SPAST: variants seen among roughly 807,000 people sequenced by gnomAD.
The protein encoded by SPAST is spastin, also known as spastic paraplegia 4 (autosomal dominant; spastin).
A neutral mutation model predicts 76.6 loss-of-function variants in SPAST; 30 were observed. The ratio of observed to expected loss-of-function variants is 0.39; its 90% CI spans 0.29 to 0.53. The LOEUF is 0.53. Ranked by LOEUF, SPAST falls within the 20% of genes least tolerant of loss-of-function variation. The probability of loss-of-function intolerance (pLI) is 0.68; values close to 1 mark genes in which losing one functional copy is unlikely to be tolerated. For missense variants in SPAST, 717 were observed against 770.5 expected, an observed-to-expected ratio of 0.93 and a Z score of 0.82; for synonymous variants, 305 against 281.0, an observed-to-expected ratio of 1.09 and a Z score of -0.86.
chr2:32,118,056 T>A (rs1200443647), intron 7 of SPAST, among the ~76,000 whole-genome samples: 1 of 152,182 alleles, frequency 6.6e-6, no homozygotes, highest in Non-Finnish European at 1.5e-5. Context: ...GTTCCAATAA[T>A]ATTGCAAAAA....
At position 32,063,885 on chromosome 2, in the gene SPAST, C is replaced by CCCGGTGCCTCCCAGGCCT. The variant is rs1251817457; in HGVS notation, c.58_75dup (p.Val20_Pro25dup). ...AGAAAGGCTCCGGCGGCGCCAGCAA[C>CCCGGTGCCTCCCAGGCCT]CCGGTGCCTCCCAGGCCTCCGCCCC... On this transcript the variant is annotated inframe_insertion, in exon 1 of 17. Transcript: ENST00000315285. The CCCGGTGCCTCCCAGGCCT allele has an allele frequency of 2.5e-6, 4 of 1,582,702 alleles. No homozygotes were observed. The East Asian group carries it at 6.9e-5, about 27-fold the overall frequency.
intron 9 of SPAST, among the ~76,000 whole-genome samples, chr2:32,135,356 C>T (rs1207432819): frequency 2.0e-5 from 3 of 151,678 alleles, no homozygotes; most frequent in Non-Finnish European, 4.4e-5. Flanking sequence ...GTCTCGATCT[C>T]CTGACCTCGT....
rs1679842413 is a variant in SPAST, at chr2:32,145,022, G to A, written c.1687+15G>A. ...TCCTATCCGAGGTAGGTATACAAGA[G>A]CTTAAAACATTTAGAACTATTTATT... is the stretch of plus-strand genomic sequence containing the variant. On this transcript the variant is annotated intron_variant, in intron 15 of 16. Coordinates refer to ENST00000315285, the MANE Select transcript of SPAST (RefSeq NM_014946.4). The A allele has an allele frequency of 1.3e-6, 2 of 1,590,272 alleles. No homozygotes were observed. Among genetic ancestry groups the A allele is most frequent in the Non-Finnish European group, 1.7e-6 (2 of 1,159,792 alleles).
intron 3 of SPAST, among the ~76,000 whole-genome samples, chr2:32,094,785 C>T (rs1400814556): frequency 1.3e-5 from 2 of 152,212 alleles, no homozygotes; most frequent in Non-Finnish European, 2.9e-5. Flanking sequence ...GCCTGGCCAA[C>T]ATGGCGAAAC....
chr2:32,121,745 T>C (rs183967798), intron 7 of SPAST, among the ~76,000 whole-genome samples: 160 of 151,640 alleles, frequency 1.1e-3, no homozygotes, highest in African/African-American at 3.7e-3. Context: ...AGTTTCACCA[T>C]GTTGGCCAGG....
rs1237891708 is a variant in SPAST at position 32,090,713 on chromosome 2, A to G, written c.586+1108A>G. Among the ~76,000 whole-genome samples the G allele has an allele frequency of 2.0e-5, 3 of 152,184 alleles. No individual in the cohort carries two copies. In the East Asian group the frequency reaches 5.8e-4, roughly 29 times the overall value. On this transcript the variant is annotated intron_variant, in intron 3 of 16. Coordinates refer to ENST00000315285, the MANE Select transcript of SPAST (RefSeq NM_014946.4). ...TTCCAATTTATTTGTTGATGAAACC[A>G]GGTCTTTGTCATGTAATATTTCCTA... is the stretch of plus-strand genomic sequence containing the variant.
At chr2:32,068,648 A>C (rs964194479) in intron 1 of SPAST, among the ~76,000 whole-genome samples, 4 of 152,136 alleles carry the variant, frequency 2.6e-5, no homozygotes, top group Non-Finnish European at 5.9e-5. Context: ...GTTTGATTTT[A>C]GTTCAACAAC....
At chr2:32,087,689 CTTTTCTT>C in intron 2 of SPAST, 111 bp downstream of exon 2, 1 of 279,576 alleles carries the variant, frequency 3.6e-6, no homozygotes, top group Non-Finnish European at 6.0e-6. Flanking sequence ...CTTTTCTTTT[CTTTTCTT>C]TTTTTTTTTT....
chr2:32,093,150 A>G (rs1279784472), intron 3 of SPAST, among the ~76,000 whole-genome samples: 1 of 151,880 alleles, frequency 6.6e-6, no homozygotes, highest in Non-Finnish European at 1.5e-5. Flanking sequence ...CTCTACTAAA[A>G]ATACAAAAAA....
rs183386614 is a variant in SPAST at position 32,139,673 on chromosome 2, C to A, written c.1494-2231C>A. ...TGAAACCCCGTCTCTACTAAAAATA[C>A]AAAAAATTAGCCAGGCGTGGTGGTG... is the stretch of plus-strand genomic sequence containing the variant. On this transcript the variant is annotated intron_variant, in intron 12 of 16. Transcript: ENST00000315285. 2.3e-3 allele frequency among the ~76,000 whole-genome samples: 347 copies of A among 151,672 alleles called. 1 individual carries two copies. Among genetic ancestry groups the A allele is most frequent in the Middle Eastern group, 0.01 (3 of 292 alleles).
At chr2:32,148,356 A>G (rs183978579) in intron 16 of SPAST, among the ~76,000 whole-genome samples, 141 of 152,252 alleles carry the variant, frequency 9.3e-4, no homozygotes, top group African/African-American at 3.3e-3. Context: ...CTATCAAATC[A>G]TATTACATAA....
chr2:32,120,229 T>C (rs939961000), intron 7 of SPAST, among the ~76,000 whole-genome samples: 2 of 152,106 alleles, frequency 1.3e-5, no homozygotes, highest in Non-Finnish European at 2.9e-5. Context: ...TTAAATAATC[T>C]TATAAAGCCA....
At chr2:32,071,601 G>A (rs1308515923) in intron 1 of SPAST, among the ~76,000 whole-genome samples, 1 of 152,160 alleles carries the variant, frequency 6.6e-6, no homozygotes, top group African/African-American at 2.4e-5. Context: ...GGAGACATAA[G>A]ACGTCAGTTA....
chr2:32,123,594 G>A (rs1679094580), intron 7 of SPAST, among the ~76,000 whole-genome samples: 1 of 152,172 alleles, frequency 6.6e-6, no homozygotes, highest in Non-Finnish European at 1.5e-5. Flanking sequence ...AAAAAAGTCA[G>A]AGGACTGAAA....
Position 32,157,140 on chromosome 2 carries a change from AATGCTT to A in SPAST, c.*2646_*2651del, listed in dbSNP as rs1462308572. 3 of 152,632 alleles carry A rather than the reference AATGCTT, an allele frequency of 2.0e-5. No homozygotes were observed. Among genetic ancestry groups the A allele is most frequent in the Non-Finnish European group, 4.4e-5 (3 of 68,026 alleles). The allele number at this position is 152,632 out of a possible 1,614,324, so 9.5% of individuals were successfully genotyped here. ...TGTGTTGTATTACTTCCTAAAAGAT[AATGCTT>A]AAACATTAAGCATTAGTGTGCTCTT... On this transcript the variant is annotated 3_prime_UTR_variant, in exon 17 of 17. Coordinates refer to ENST00000315285, the MANE Select transcript of SPAST (RefSeq NM_014946.4).
At chr2:32,075,492 AAG>A (rs1491217219) in intron 1 of SPAST, among the ~76,000 whole-genome samples, 3 of 149,614 alleles carry the variant, frequency 2.0e-5, no homozygotes, top group Non-Finnish European at 4.4e-5. Flanking sequence ...AAAAAAAAAA[AAG>A]AGATGGAAGT....
chr2:32,121,647 T>G (rs1679024960), intron 7 of SPAST, among the ~76,000 whole-genome samples: 1 of 151,402 alleles, frequency 6.6e-6, no homozygotes, highest in Non-Finnish European at 1.5e-5. Flanking sequence ...TTCGAGTGAT[T>G]CTCCTGCCTC....
Position 32,089,574 on chromosome 2 carries a change from G to C in SPAST, c.555G>C (p.Leu185Phe), listed in dbSNP as rs377698691. ...RRLQAKMMTN[L>F]VMAKDRLQLL... ...TTCAAGCTAAAATGATGACTAATTT[G>C]GTTATGGCCAAGGACCGCTTACAAC... The change falls in exon 3 of 17, where the codon TTG becomes TTC. Residue 185 changes from leucine (L) to phenylalanine (F), a missense_variant. Physicochemically the swap from Leu to Phe is conservative, Grantham distance 22. Coordinates refer to ENST00000315285, the MANE Select transcript of SPAST (RefSeq NM_014946.4). 5.2e-5 allele frequency: 84 copies of C among 1,603,270 alleles called. No individual in the cohort carries two copies. Among genetic ancestry groups the C allele is most frequent in the Non-Finnish European group, 6.7e-5 (78 of 1,170,626 alleles).
At chr2:32,104,849 G>C (rs1425236580) in intron 4 of SPAST, among the ~76,000 whole-genome samples, 1 of 152,136 alleles carries the variant, frequency 6.6e-6, no homozygotes, top group Non-Finnish European at 1.5e-5. Flanking sequence ...TTCCCTTTGT[G>C]GGTAACCCGA....
Sources: allele counts gnomAD v4.1 joint callset (sites outside exome capture counted in the v4.1 genomes callset), GRCh38; gene constraint gnomAD v4.1.1; transcripts MANE v1.5; gene names NCBI Gene and HGNC (gene_info 2026-07-23, HGNC 2026-07-21).